USP31: variants seen among roughly 807,000 people sequenced by gnomAD.
USP31 encodes ubiquitin specific peptidase 31.
A neutral mutation model predicts 119.4 loss-of-function variants in USP31; 44 were observed. The ratio of observed to expected loss-of-function variants is 0.37; its 90% CI spans 0.29 to 0.47. The LOEUF (loss-of-function observed/expected upper bound fraction) is 0.47. Among genes scored for constraint, USP31 ranks in the 20% least tolerant of loss-of-function variants. The pLI is 0.99. For synonymous variants in USP31, 749 were observed against 705.6 expected (o/e 1.06, Z -0.97); for missense variants, 1,643 against 1,730.2 (o/e 0.95, Z 0.89).
rs554017610 is a variant in USP31 at position 23,066,167 on chromosome 16, A to G, written c.*1879T>C. On this transcript the variant is annotated 3_prime_UTR_variant, in exon 16 of 16. Coordinates refer to ENST00000219689, the MANE Select transcript of USP31 (RefSeq NM_020718.4). ...AGTAAAACCAGGACAGCGAGTGAAGAAGTGAGTACAGGGCTGAGTGCAATG... is the reference window on the plus strand; with the variant it reads ...AGTAAAACCAGGACAGCGAGTGAAGGAGTGAGTACAGGGCTGAGTGCAATG... 85 of 152,546 alleles carry G rather than the reference A, an allele frequency of 5.6e-4. 1 individual carries two copies. The highest frequency in any genetic ancestry group is 1.4e-3 in the African/African-American group (60 of 41,584). 9.4% of individuals were successfully genotyped at this position (152,546 alleles called of 1,614,324 possible). A position where few individuals can be genotyped will look rare whatever the true frequency, so the allele number is the denominator to read the frequency against.
At chr16:23,131,252 TG>T (rs1180986349) in intron 1 of USP31, among the ~76,000 whole-genome samples, 8 of 152,180 alleles carry the variant, frequency 5.3e-5, no homozygotes, top group African/African-American at 1.9e-4. Flanking sequence ...CAGTGAGCTA[TG>T]ATCATGCCAC....
chr16:23,084,890 C>T lies in USP31; in HGVS notation c.1800G>A (p.Gln600=), dbSNP rs1901038985. Residue 600 remains glutamine (Q), a synonymous_variant, in exon 11 of 16, where the codon CAG becomes CAA. Transcript: ENST00000219689. ...CCTCTTTGGTGTACAGTTGGAAACA[C>T]TGGGATAAAGTGCAGGTTTGAGGCT... ...HHQPQTCTLS[Q]CFQLYTKEER... is the part of the protein sequence containing the mutation. 1.2e-6 allele frequency: 2 copies of T among 1,614,074 alleles called. No individual in the cohort carries two copies. The highest frequency in any genetic ancestry group is 1.7e-6 in the Non-Finnish European group (2 of 1,180,006).
At chr16:23,080,736 G>A (rs990517929) in intron 12 of USP31, among the ~76,000 whole-genome samples, 9 of 152,194 alleles carry the variant, frequency 5.9e-5, no homozygotes, top group Non-Finnish European at 1.5e-5. Context: ...CAGTTGAAGA[G>A]ATAATGACTG....
At chr16:23,134,293 C>T (rs62031867) in intron 1 of USP31, among the ~76,000 whole-genome samples, 4,548 of 152,204 alleles carry the variant, frequency 0.03, 113 homozygotes, top group Non-Finnish European at 0.042. Flanking sequence ...ACTCTAAATA[C>T]AGAGAAACCT....
chr16:23,082,253 AT>A (rs1284262246), intron 12 of USP31, among the ~76,000 whole-genome samples, 184 bp downstream of exon 12: 1 of 152,188 alleles, frequency 6.6e-6, no homozygotes, highest in African/African-American at 2.4e-5. Context: ...CTAAAATCAA[AT>A]TTTGCCTTGG....
intron 1 of USP31, among the ~76,000 whole-genome samples, chr16:23,113,185 A>G (rs909618037): frequency 6.6e-6 from 1 of 152,166 alleles, no homozygotes; most frequent in African/African-American, 2.4e-5. Flanking sequence ...TTAGGTAGAT[A>G]ATGAACCAGG....
intron 13 of USP31, among the ~76,000 whole-genome samples, chr16:23,074,956 G>T (rs1900500342): frequency 6.6e-6 from 1 of 152,186 alleles, no homozygotes; most frequent in Admixed American, 6.5e-5. Context: ...AACAGACTCA[G>T]GATGGCCCCA....
rs575145264 is a variant in USP31 at position 23,065,322 on chromosome 16, T to TAAAAAAA, written c.*2717_*2723dup. On this transcript the variant is annotated 3_prime_UTR_variant, in exon 16 of 16. Coordinates refer to ENST00000219689, the MANE Select transcript of USP31 (RefSeq NM_020718.4). The stretch of plus-strand genomic sequence containing the variant: ...TTGTGCTAAATATTGCTGGGAAAAT[T>TAAAAAAA]AAAAAAAAAAAAAAAAAGAAAAGAA... 9.2e-6 allele frequency: 1 copy of TAAAAAAA among 108,858 alleles called. No homozygotes were observed. Among genetic ancestry groups the TAAAAAAA allele is most frequent in the Non-Finnish European group, 2.0e-5 (1 of 51,048 alleles). 6.7% of individuals were successfully genotyped at this position (108,858 alleles called of 1,614,324 possible).
At chr16:23,148,045 T>C (rs372079260) in intron 1 of USP31, among the ~76,000 whole-genome samples, 53 of 152,220 alleles carry the variant, frequency 3.5e-4, no homozygotes, top group Admixed American at 7.2e-4. Flanking sequence ...AAGTCTTTAA[T>C]AACAAAAATA....
At chr16:23,135,668 T>C (rs74627462) in intron 1 of USP31, among the ~76,000 whole-genome samples, 3,882 of 152,124 alleles carry the variant, frequency 0.026, 59 homozygotes, top group African/African-American at 0.042. Context: ...CAAAACATAG[T>C]TGAAAGGAAT....
At chr16:23,134,683 A>T (rs1355499477) in intron 1 of USP31, among the ~76,000 whole-genome samples, 3 of 151,814 alleles carry the variant, frequency 2.0e-5, no homozygotes, top group Admixed American at 6.6e-5. Context: ...CTAAAAAAAA[A>T]AAAAAAAGAA....
chr16:23,076,988 T>C (rs1334907885), intron 13 of USP31, among the ~76,000 whole-genome samples: 1 of 152,164 alleles, frequency 6.6e-6, no homozygotes, highest in Non-Finnish European at 1.5e-5. Context: ...CAAGACACAA[T>C]ATTTGTATAC....
chr16:23,069,665 C>T (rs1440175268), intron 15 of USP31, 49 bp from the exon 16 acceptor site: 1 of 1,544,596 alleles, frequency 6.5e-7, no homozygotes, highest in South Asian at 1.3e-5. Context: ...TGAAGACATT[C>T]TAACAACACT....
intron 6 of USP31, among the ~76,000 whole-genome samples, chr16:23,101,986 A>C (rs1448277914): frequency 1.3e-5 from 2 of 149,808 alleles, no homozygotes; most frequent in South Asian, 2.1e-4. Flanking sequence ...AAAAAAAAAA[A>C]AAAAAAAAAC....
At chr16:23,097,633 A>G (rs1596707499) in intron 6 of USP31, among the ~76,000 whole-genome samples, 1 of 152,222 alleles carries the variant, frequency 6.6e-6, no homozygotes, top group Non-Finnish European at 1.5e-5. Context: ...ACTATGATCA[A>G]GTTGGCTTCA....
intron 6 of USP31, among the ~76,000 whole-genome samples, chr16:23,097,367 G>C (rs1330703916): frequency 6.6e-6 from 1 of 152,148 alleles, no homozygotes; most frequent in Non-Finnish European, 1.5e-5. Context: ...CAACCAAAAA[G>C]AGTCCAGGAC....
At chr16:23,110,882 A>G (rs1902293109) in intron 1 of USP31, among the ~76,000 whole-genome samples, 1 of 152,188 alleles carries the variant, frequency 6.6e-6, no homozygotes, top group South Asian at 2.1e-4. Context: ...TAATCCCAGC[A>G]CTTTGGGAGT....
chr16:23,138,188 C>A (rs1435244529), intron 1 of USP31, among the ~76,000 whole-genome samples: 1 of 152,168 alleles, frequency 6.6e-6, no homozygotes, highest in Non-Finnish European at 1.5e-5. Flanking sequence ...GTTGGGAAGA[C>A]ATTTTTTAAA....
chr16:23,105,362 AG>A, intron 5 of USP31, 78 bp downstream of exon 5: 1 of 1,424,044 alleles, frequency 7.0e-7, no homozygotes, highest in Non-Finnish European at 9.3e-7. Context: ...TACTTGGCAA[AG>A]AACTGTAAAA....
Sources: gnomAD v4.1 joint callset for allele counts (sites outside exome capture counted in the v4.1 genomes callset) on GRCh38, gnomAD v4.1.1 for gene constraint, MANE v1.5 for transcripts, NCBI Gene and HGNC (gene_info 2026-07-23, HGNC 2026-07-21) for gene names.